Variants in FGD4 observed in about 807,000 individuals in gnomAD.
FGD4 encodes FYVE, RhoGEF and PH domain containing 4.
Under a neutral mutation model 102.0 loss-of-function variants are expected in FGD4, and 42 were observed. The observed-to-expected ratio is 0.41, with a 90% CI of 0.32 to 0.53. The LOEUF (loss-of-function observed/expected upper bound fraction) is 0.53, where lower values mean the gene tolerates loss of function less well. Among genes scored for constraint, FGD4 ranks in the 20% least tolerant of loss-of-function variants. The pLI, the probability that FGD4 is intolerant of heterozygous loss-of-function variation, is 0.21. For synonymous variants in FGD4, 380 were observed against 375.7 expected, an observed-to-expected ratio of 1.01 and a Z score of -0.13; for missense variants, 902 against 1,078.2, an observed-to-expected ratio of 0.84 and a Z score of 2.29.
At position 32,535,034 on chromosome 12, in the gene FGD4, T is replaced by C. The variant is rs772689965; in HGVS notation, c.167-29103T>C. ...TAGGCATGAGTTTGTTTTTTAAAAA[T>C]TGTTAGTGGTAGTAGTATTAAGCCA... On this transcript the variant is annotated intron_variant, in intron 1 of 16. Transcript: ENST00000534526. Among the ~76,000 whole-genome samples, 71 of 152,176 alleles carry C rather than the reference T, an allele frequency of 4.7e-4. 2 individuals carry two copies. Among genetic ancestry groups the C allele is most frequent in the Non-Finnish European group, 1.2e-4 (8 of 68,018 alleles).
At chr12:32,577,623 A>G (rs895437059) in intron 3 of FGD4, among the ~76,000 whole-genome samples, 3 of 152,246 alleles carry the variant, frequency 2.0e-5, no homozygotes, top group African/African-American at 7.2e-5. Flanking sequence ...CATTCCTGAT[A>G]CATTGTAGGA....
intron 4 of FGD4, among the ~76,000 whole-genome samples, chr12:32,585,005 G>C (rs1592304603): frequency 6.6e-6 from 1 of 151,850 alleles, no homozygotes; most frequent in South Asian, 2.1e-4. Flanking sequence ...TGGATTGCTT[G>C]AGTCCAGGAG....
At chr12:32,541,981 C>T (rs546639183) in intron 1 of FGD4, among the ~76,000 whole-genome samples, 92 of 152,112 alleles carry the variant, frequency 6.0e-4, no homozygotes, top group African/African-American at 2.2e-3. Context: ...AAATGTACTT[C>T]CCAGATAAAC....
intron 11 of FGD4, among the ~76,000 whole-genome samples, chr12:32,624,181 TG>T (rs1950010987): frequency 6.6e-6 from 1 of 152,290 alleles, no homozygotes; most frequent in Non-Finnish European, 1.5e-5. Context: ...AGTATATAAA[TG>T]GAAGCTAAAC....
At chr12:32,492,581 A>T (rs1209606952) in intron 1 of FGD4, among the ~76,000 whole-genome samples, 2 of 152,216 alleles carry the variant, frequency 1.3e-5, no homozygotes, top group African/African-American at 4.8e-5. Context: ...AACAGTGTGT[A>T]TTTGAAATTG....
intron 1 of FGD4, among the ~76,000 whole-genome samples, chr12:32,461,677 A>G (rs943856827): frequency 2.6e-5 from 4 of 152,144 alleles, no homozygotes; most frequent in Non-Finnish European, 5.9e-5. Flanking sequence ...CCCACAGTTT[A>G]TGCCCTTTGC....
chr12:32,569,772 C>T (rs748694847), intron 2 of FGD4, among the ~76,000 whole-genome samples: 5 of 152,020 alleles, frequency 3.3e-5, no homozygotes, highest in Admixed American at 3.3e-4. Context: ...AATAAGTATT[C>T]ATTTAATTAA....
chr12:32,433,840 C>T (rs541016045), intron 1 of FGD4, among the ~76,000 whole-genome samples: 36 of 151,516 alleles, frequency 2.4e-4, no homozygotes, highest in South Asian at 4.2e-4. Flanking sequence ...AATATATTTA[C>T]TTATTTATTT....
intron 1 of FGD4, among the ~76,000 whole-genome samples, chr12:32,551,974 G>A (rs4635166): frequency 0.81 from 123,138 of 152,136 alleles, 50,483 homozygotes; most frequent in African/African-American, 0.94. Context: ...TAATAAATCT[G>A]TTGCCCAGTC....
intron 1 of FGD4, among the ~76,000 whole-genome samples, chr12:32,430,655 TA>T (rs1463497869): frequency 6.6e-6 from 1 of 152,130 alleles, no homozygotes; most frequent in Non-Finnish European, 1.5e-5. Context: ...AATATATCAA[TA>T]TCATGATCTT....
intron 1 of FGD4, among the ~76,000 whole-genome samples, chr12:32,436,896 T>G (rs1942248805): frequency 6.6e-6 from 1 of 152,060 alleles, no homozygotes; most frequent in Non-Finnish European, 1.5e-5. Flanking sequence ...GGCAGGTGGA[T>G]AGCTTGAGAT....
intron 1 of FGD4, among the ~76,000 whole-genome samples, chr12:32,464,902 C>G (rs1273775015): frequency 6.6e-6 from 1 of 152,142 alleles, no homozygotes; most frequent in Non-Finnish European, 1.5e-5. Context: ...CATTAAAGTT[C>G]GAGCTTGTAC....
intron 1 of FGD4, among the ~76,000 whole-genome samples, chr12:32,515,510 G>A (rs1939796260): frequency 1.3e-5 from 2 of 152,362 alleles, no homozygotes; most frequent in South Asian, 4.1e-4. Context: ...AATTTGAAAT[G>A]TATCATAGAC....
chr12:32,502,002 G>A, intron 1 of FGD4: 1 of 983,622 alleles, frequency 1.0e-6, no homozygotes, highest in African/African-American at 1.7e-5. Context: ...CTGCGCATGT[G>A]AGTGGCTATA....
At chr12:32,516,217 A>G (rs1939862729) in intron 1 of FGD4, among the ~76,000 whole-genome samples, 1 of 152,156 alleles carries the variant, frequency 6.6e-6, no homozygotes, top group South Asian at 2.1e-4. Context: ...GTGGAGTGGC[A>G]CAGTCAGTTT....
intron 4 of FGD4, among the ~76,000 whole-genome samples, chr12:32,597,979 G>A (rs1948048319): frequency 6.6e-6 from 1 of 152,144 alleles, no homozygotes; most frequent in Non-Finnish European, 1.5e-5. Context: ...TCCCATCTCT[G>A]CCTCCCAAGT....
chr12:32,403,050 A>G (rs1337786380), intron 1 of FGD4, among the ~76,000 whole-genome samples: 2 of 152,206 alleles, frequency 1.3e-5, no homozygotes, highest in Non-Finnish European at 2.9e-5. Flanking sequence ...AAATATTTAT[A>G]TATGAAAACC....
intron 15 of FGD4, among the ~76,000 whole-genome samples, chr12:32,634,871 C>T (rs747428405): frequency 3.9e-5 from 6 of 152,036 alleles, no homozygotes; most frequent in Non-Finnish European, 8.8e-5. Context: ...ACCTGTAGTC[C>T]GAGCTACTTG....
intron 1 of FGD4, among the ~76,000 whole-genome samples, chr12:32,431,861 A>G (rs1277789965): frequency 6.6e-6 from 1 of 152,124 alleles, no homozygotes; most frequent in Non-Finnish European, 1.5e-5. Flanking sequence ...CACAAATAGA[A>G]TTTTATGGTA....
Sources: allele counts gnomAD v4.1 joint callset (sites outside exome capture counted in the v4.1 genomes callset), GRCh38; gene constraint gnomAD v4.1.1; transcripts MANE v1.5; gene names NCBI Gene and HGNC (gene_info 2026-07-23, HGNC 2026-07-21).